The following CDKL2 variants were observed in gnomAD, a reference collection of about 807,000 sequenced individuals.
The protein encoded by CDKL2 is cyclin dependent kinase like 2, also known as cyclin-dependent kinase-like 2.
Under a neutral mutation model 63.9 loss-of-function variants are expected in CDKL2, and 64 were observed. The observed-to-expected ratio is 1.00, with a 90% CI of 0.82 to 1.23. The LOEUF (loss-of-function observed/expected upper bound fraction) is 1.23. Among genes scored for constraint, CDKL2 ranks in the 50% most tolerant of loss-of-function variants. The pLI is 0.00. For synonymous variants in CDKL2, 211 were observed against 229.2 expected (o/e 0.92, Z 0.72); for missense variants, 656 against 668.0 (o/e 0.98, Z 0.20).
intron 1 of CDKL2, among the ~76,000 whole-genome samples, chr4:75,626,631 C>T (rs1257351844): frequency 1.5e-5 from 2 of 134,556 alleles, no homozygotes; most frequent in Non-Finnish European, 3.3e-5. Context: ...CACACCACTG[C>T]ACTCCAGCCT....
chr4:75,599,729 C>T (rs1054570769), intron 7 of CDKL2, among the ~76,000 whole-genome samples: 1 of 152,022 alleles, frequency 6.6e-6, no homozygotes, highest in Non-Finnish European at 1.5e-5. Context: ...ATAGGAAAAC[C>T]TAGCTACCTT....
chr4:75,614,185 T>C, intron 3 of CDKL2, 70 bp downstream of exon 3: 1 of 1,003,178 alleles, frequency 1.0e-6, no homozygotes, highest in Non-Finnish European at 1.5e-6. Flanking sequence ...AATGCATAAA[T>C]CAATAAGACA....
At chr4:75,582,519 G>GAAC (rs1397046021) in intron 12 of CDKL2, among the ~76,000 whole-genome samples, 1 of 152,016 alleles carries the variant, frequency 6.6e-6, no homozygotes, top group East Asian at 1.9e-4. Flanking sequence ...AAGAAAAAGT[G>GAAC]AACAGAGTCT....
At chr4:75,624,348 T>C (rs1036202947) in intron 2 of CDKL2, among the ~76,000 whole-genome samples, 1 of 151,582 alleles carries the variant, frequency 6.6e-6, no homozygotes, top group Non-Finnish European at 1.5e-5. Flanking sequence ...GCTCAGGAGT[T>C]AGAGACCAGC....
chr4:75,608,927 G>A (rs902830221), intron 3 of CDKL2, among the ~76,000 whole-genome samples: 19 of 151,720 alleles, frequency 1.3e-4, no homozygotes, highest in African/African-American at 4.6e-4. Context: ...CCAGGAGGTG[G>A]AGGTTGCAGT....
intron 3 of CDKL2, among the ~76,000 whole-genome samples, chr4:75,608,786 G>A (rs1245201206): frequency 6.6e-6 from 1 of 152,114 alleles, no homozygotes; most frequent in Non-Finnish European, 1.5e-5. Context: ...TTGAGGTCAG[G>A]AGTTCAAGAC....
chr4:75,607,366 A>T lies in CDKL2; in HGVS notation c.364-5T>A. The stretch of plus-strand genomic sequence containing the variant: ...CTTTATATCTCTGTGTATGATCTAG[A>T]CAAGAAGCAGAGTGTGACGGATGTT... On this transcript the variant is annotated splice_polypyrimidine_tract_variant and splice_region_variant and intron_variant, in intron 3 of 13. Coordinates refer to ENST00000307465, the MANE Select transcript of CDKL2 (RefSeq NM_001330724.2). The T allele has an allele frequency of 6.2e-7, 1 of 1,608,170 alleles. No homozygotes were observed. The highest frequency in any genetic ancestry group is 2.2e-5 in the East Asian group (1 of 44,820).
intron 4 of CDKL2, among the ~76,000 whole-genome samples, chr4:75,606,108 C>T (rs902981453): frequency 6.6e-6 from 1 of 152,114 alleles, no homozygotes; most frequent in African/African-American, 2.4e-5. Flanking sequence ...CAAGCTTGAC[C>T]AATCTATGCT....
At chr4:75,579,516 A>G (rs1170749344) in intron 13 of CDKL2, among the ~76,000 whole-genome samples, 2 of 151,530 alleles carry the variant, frequency 1.3e-5, no homozygotes, top group African/African-American at 4.8e-5. Flanking sequence ...TCTACTAAAA[A>G]TACAAAAAAA....
At chr4:75,579,307 A>G (rs1409074045) in intron 13 of CDKL2, 129 bp from the exon 14 acceptor site, 3 of 152,256 alleles carry the variant, frequency 2.0e-5, no homozygotes, top group Non-Finnish European at 4.4e-5. Flanking sequence ...AGTTTAAGAA[A>G]ACCTTAGATT....
intron 1 of CDKL2, among the ~76,000 whole-genome samples, chr4:75,626,391 G>A (rs1220103889): frequency 6.6e-6 from 1 of 152,188 alleles, no homozygotes; most frequent in Non-Finnish European, 1.5e-5. Flanking sequence ...TCCAGACCGG[G>A]CGCAGTGGCT....
At chr4:75,604,276 G>A (rs912173938) in intron 5 of CDKL2, among the ~76,000 whole-genome samples, 1 of 152,152 alleles carries the variant, frequency 6.6e-6, no homozygotes, top group African/African-American at 2.4e-5. Context: ...ATCTAATCTA[G>A]ATAAATCAGT....
In CDKL2 at chr4:75,610,796, C is replaced by G. The variant is rs147659948; in HGVS notation, c.364-3435G>C. ...TTCTCATTTTCTTAAAGTCAAGCAT[C>G]TCATCCTTATGTGTACATATATGTG... is the stretch of plus-strand genomic sequence containing the variant. On this transcript the variant is annotated intron_variant, in intron 3 of 13. Coordinates refer to ENST00000307465, the MANE Select transcript of CDKL2 (RefSeq NM_001330724.2). 8.9e-4 allele frequency among the ~76,000 whole-genome samples: 136 copies of G among 152,172 alleles called. 2 individuals carry two copies. The highest frequency in any genetic ancestry group is 3.1e-3 in the African/African-American group (128 of 41,522).
At chr4:75,614,773 A>G (rs1729853028) in intron 2 of CDKL2, among the ~76,000 whole-genome samples, 1 of 151,756 alleles carries the variant, frequency 6.6e-6, no homozygotes, top group Non-Finnish European at 1.5e-5. Context: ...AAATCTAATC[A>G]CGGTCAAACA....
intron 2 of CDKL2, among the ~76,000 whole-genome samples, chr4:75,622,984 T>C (rs766194319): frequency 6.6e-6 from 1 of 151,988 alleles, no homozygotes; most frequent in Non-Finnish European, 1.5e-5. Context: ...ATATAAAAAC[T>C]TACAAACTAG....
chr4:75,592,253 T>A lies in CDKL2; in HGVS notation c.1433A>T (p.Asn478Ile). ...NVTTLVSSEKNLFWASKKRRE... is the reference protein window; with the variant it reads ...NVTTLVSSEKILFWASKKRRE... ...TCTTTTCTTACTTGCCCAAAAGAGG[T>A]TTTTTTCACTAGAGACCTAATATCA... The change falls in exon 11 of 14, where the codon AAC (asparagine) becomes ATC (isoleucine). Residue 478 changes from asparagine (N) to isoleucine (I), a missense_variant. Transcript: ENST00000307465. 6.5e-7 allele frequency: 1 copy of A among 1,531,236 alleles called. No homozygotes were observed. Among genetic ancestry groups the A allele is most frequent in the Non-Finnish European group, 8.7e-7 (1 of 1,145,402 alleles). The allele number at this position is 1,531,236 out of a possible 1,614,324, so 94.9% of individuals were successfully genotyped here. A position where few individuals can be genotyped will look rare whatever the true frequency, so the allele number is the denominator to read the frequency against.
intron 2 of CDKL2, among the ~76,000 whole-genome samples, chr4:75,620,788 G>A (rs1180611024): frequency 2.0e-5 from 3 of 152,146 alleles, no homozygotes; most frequent in Admixed American, 1.3e-4. Flanking sequence ...AAGGTGAAAA[G>A]AAGGAGTACA....
intron 1 of CDKL2, among the ~76,000 whole-genome samples, chr4:75,627,393 C>G (rs1269243737): frequency 1.3e-5 from 2 of 151,898 alleles, no homozygotes; most frequent in East Asian, 3.9e-4. Context: ...CTGCCTCCGC[C>G]TCTGAGTAGC....
In CDKL2 at chr4:75,617,170, CA is replaced by C. The variant is rs535785133; in HGVS notation, c.169-2722del. Among the ~76,000 whole-genome samples the C allele has an allele frequency of 6.6e-5, 10 of 152,184 alleles. No individual in the cohort carries two copies. The East Asian group carries it at 1.9e-3, about 29-fold the overall frequency. ...TGTTTACCTATGTAACAAACCTGTA[CA>C]TCCTGCACATGTACCCCTGAACTTA... On this transcript the variant is annotated intron_variant, in intron 2 of 13. Transcript: ENST00000307465.
Sources: gnomAD v4.1 joint callset for allele counts (sites outside exome capture counted in the v4.1 genomes callset) on GRCh38, gnomAD v4.1.1 for gene constraint, MANE v1.5 for transcripts, NCBI Gene and HGNC (gene_info 2026-07-23, HGNC 2026-07-21) for gene names.